BRINP2: variants seen among roughly 807,000 people sequenced by gnomAD.
BRINP2 encodes BMP/retinoic acid inducible neural specific 2.
BRINP2 carries 21 observed loss-of-function variants against 69.2 expected under a neutral mutation model. The observed-to-expected ratio is 0.30, with a 90% CI of 0.22 to 0.44. The LOEUF is 0.44. Among genes scored for constraint, BRINP2 ranks in the 20% least tolerant of loss-of-function variants. BRINP2 has a pLI of 1.00. For synonymous variants in BRINP2, 380 were observed against 394.1 expected (o/e 0.96, Z 0.42); for missense variants, 877 against 986.0 (o/e 0.89, Z 1.48).
chr1:177,221,831 G>T (rs888110719), intron 1 of BRINP2, among the ~76,000 whole-genome samples: 1 of 152,170 alleles, frequency 6.6e-6, no homozygotes, highest in Non-Finnish European at 1.5e-5. Flanking sequence ...CAAAGCAACC[G>T]CATAATCAAT....
At position 177,239,368 on chromosome 1, in the gene BRINP2, T is replaced by A. The variant is rs147487648; in HGVS notation, c.269+9223T>A. Among the ~76,000 whole-genome samples the A allele has an allele frequency of 7.5e-4, 114 of 152,366 alleles. 1 individual carries two copies. Among genetic ancestry groups the A allele is most frequent in the South Asian group, 3.9e-3 (19 of 4,830 alleles). On this transcript the variant is annotated intron_variant, in intron 2 of 7. Transcript: ENST00000361539. ...TGGTTGTGCACTGCTGGTGTGTTTC[T>A]ACAAGGGTGCGATGTAAATCGAATT... is the stretch of plus-strand genomic sequence containing the variant.
chr1:177,257,459 A>G (rs1225848912), intron 4 of BRINP2, 75 bp downstream of exon 4: 6 of 1,385,050 alleles, frequency 4.3e-6, no homozygotes, highest in African/African-American at 1.4e-5. Flanking sequence ...AGCCTCAACC[A>G]TCTCTAGGTC....
At chr1:177,179,720 G>T (rs1648193904) in intron 1 of BRINP2, among the ~76,000 whole-genome samples, 1 of 152,078 alleles carries the variant, frequency 6.6e-6, no homozygotes, top group South Asian at 2.1e-4. Context: ...AAAGGGCTGG[G>T]GACAACCCAG....
intron 1 of BRINP2, among the ~76,000 whole-genome samples, chr1:177,199,167 G>A (rs1315744382): frequency 6.6e-6 from 1 of 152,168 alleles, no homozygotes; most frequent in African/African-American, 2.4e-5. Context: ...GCCCCCAAAT[G>A]GTTGCAGTCT....
In BRINP2 at chr1:177,278,724, C is replaced by A. The variant is rs199601085; in HGVS notation, c.1174C>A (p.Arg392=). 1 of 1,614,060 alleles carries A rather than the reference C, an allele frequency of 6.2e-7. No homozygotes were observed. The highest frequency in any genetic ancestry group is 8.5e-7 in the Non-Finnish European group (1 of 1,180,054). The part of the protein sequence containing the change: ...LFKKTHRILR[R]LFNLCKRCHR... ...CAAAAAGACCCATCGGATCCTACGC[C>A]GGCTCTTCAACCTCTGCAAGCGCTG... Residue 392 remains arginine (R), a synonymous_variant, in exon 7 of 8, where the codon CGG becomes AGG. Transcript: ENST00000361539.
chr1:177,275,082 G>A lies in BRINP2; in HGVS notation c.776-1116G>A, dbSNP rs1651451843. ...CATATTCCTCACTTTCCTGGCACAA[G>A]GTCTCACAGTGTCGCTACTGGGGAG... On this transcript the variant is annotated intron_variant, in intron 5 of 7. Coordinates refer to ENST00000361539, the MANE Select transcript of BRINP2 (RefSeq NM_021165.4). 6 of 455,194 alleles carry A rather than the reference G, an allele frequency of 1.3e-5. No homozygotes were observed. The Admixed American group carries it at 1.4e-4, about 11-fold the overall frequency. The allele number at this position is 455,194 out of a possible 1,614,324, so 28.2% of individuals were successfully genotyped here.
intron 1 of BRINP2, among the ~76,000 whole-genome samples, chr1:177,194,912 G>A (rs1003836705): frequency 6.6e-6 from 1 of 152,032 alleles, no homozygotes; most frequent in African/African-American, 2.4e-5. Flanking sequence ...GGATTTTCTT[G>A]TTAAGACATC....
intron 7 of BRINP2, 107 bp downstream of exon 7, chr1:177,278,892 C>T: frequency 1.9e-6 from 2 of 1,040,272 alleles, no homozygotes; most frequent in East Asian, 2.6e-5. Flanking sequence ...AGTGGTGACT[C>T]ACACATAGCC....
chr1:177,229,498 TC>T (rs1456224788), intron 1 of BRINP2, among the ~76,000 whole-genome samples: 1 of 152,176 alleles, frequency 6.6e-6, no homozygotes, highest in Non-Finnish European at 1.5e-5. Flanking sequence ...AAGAGTCAGA[TC>T]CCCTGAGTTC....
At position 177,257,372 on chromosome 1, in the gene BRINP2, G is replaced by C. The variant is rs755618875; in HGVS notation, c.657G>C (p.Thr219=). ...LRRLHHIQIA[T]GAIKVTETRT... ...GGCTGCACCATATCCAGATAGCCAC[G>C]GGGGCCATCAAGGTAATGACCTGAG... Residue 219 remains threonine, a synonymous_variant, in exon 4 of 8, where the codon ACG becomes ACC. Coordinates refer to ENST00000361539, the MANE Select transcript of BRINP2 (RefSeq NM_021165.4). The C allele has an allele frequency of 6.2e-7, 1 of 1,609,904 alleles. No individual in the cohort carries two copies. The highest frequency in any genetic ancestry group is 1.3e-5 in the African/African-American group (1 of 74,806).
chr1:177,229,830 G>A lies in BRINP2; in HGVS notation c.-47G>A, dbSNP rs1435607481. 2 of 1,539,080 alleles carry A rather than the reference G, an allele frequency of 1.3e-6. No homozygotes were observed. Among genetic ancestry groups the A allele is most frequent in the African/African-American group, 1.4e-5 (1 of 73,244 alleles). Reference sequence around the variant, plus strand: ...GAGCCCTGGAGGAGCAGCACGGAGCGGGAGAGCGTGGCGAGAGAATGAAGA... The same window carrying A: ...GAGCCCTGGAGGAGCAGCACGGAGCAGGAGAGCGTGGCGAGAGAATGAAGA... On this transcript the variant is annotated 5_prime_UTR_variant, in exon 2 of 8. Coordinates refer to ENST00000361539, the MANE Select transcript of BRINP2 (RefSeq NM_021165.4).
chr1:177,215,982 T>C (rs1282053367), intron 1 of BRINP2, among the ~76,000 whole-genome samples: 2 of 152,108 alleles, frequency 1.3e-5, no homozygotes, highest in African/African-American at 4.8e-5. Context: ...TTTTTATTCT[T>C]TCATTTTTAG....
At chr1:177,259,140 G>T (rs1011714544) in intron 4 of BRINP2, among the ~76,000 whole-genome samples, 1 of 152,170 alleles carries the variant, frequency 6.6e-6, no homozygotes, top group African/African-American at 2.4e-5. Flanking sequence ...AAAAGTGCTA[G>T]TCCGGTGAAT....
rs71565492 is a variant in BRINP2, at chr1:177,254,378, G to GCACACACA, written c.270-1517_270-1510dup. Among the ~76,000 whole-genome samples the GCACACACA allele has an allele frequency of 3.0e-3, 426 of 144,000 alleles. 2 individuals are homozygous for GCACACACA. The highest frequency in any genetic ancestry group is 8.5e-3 in the African/African-American group (336 of 39,486). The allele number at this position is 144,000 out of a possible 152,430, so 94.5% of individuals were successfully genotyped here. A position where few individuals can be genotyped will look rare whatever the true frequency, so the allele number is the denominator to read the frequency against. ...TGCACCTAAACACATAAGCACACAT[G>GCACACACA]CACACACACACACACACACACACAC... is the stretch of plus-strand genomic sequence containing the variant. On this transcript the variant is annotated intron_variant, in intron 2 of 7. Coordinates refer to ENST00000361539, the MANE Select transcript of BRINP2 (RefSeq NM_021165.4).
Position 177,280,433 on chromosome 1 carries a change from C to G in BRINP2, c.1257C>G (p.Asn419Lys), listed in dbSNP as rs369846504. ...CAAGGTCCTTGTCCTACTGGTGGAACCGAATCCAGTCCCTCCTCTACTGTG... is the reference window on the plus strand; with the variant it reads ...CAAGGTCCTTGTCCTACTGGTGGAAGCGAATCCAGTCCCTCCTCTACTGTG... ...PKERSLSYWW[N>K]RIQSLLYCGE... is the part of the protein sequence containing the mutation. Residue 419 changes from asparagine (N) to lysine (K), a missense_variant, in exon 8 of 8, where the codon AAC becomes AAG. This residue lies in a region of BRINP2 where 566 missense variants were observed against 625.2 expected (regional missense o/e 0.91). Transcript: ENST00000361539. 1.2e-6 allele frequency: 2 copies of G among 1,610,330 alleles called. No individual in the cohort carries two copies. Among genetic ancestry groups the G allele is most frequent in the South Asian group, 1.1e-5 (1 of 90,308 alleles).
At chr1:177,197,541 G>A (rs1312470315) in intron 1 of BRINP2, among the ~76,000 whole-genome samples, 1 of 152,186 alleles carries the variant, frequency 6.6e-6, no homozygotes, top group East Asian at 1.9e-4. Flanking sequence ...TAGTGAGATG[G>A]TGGCTGTCTG....
At chr1:177,178,096 T>C (rs534146200) in intron 1 of BRINP2, among the ~76,000 whole-genome samples, 56 of 152,272 alleles carry the variant, frequency 3.7e-4, no homozygotes, top group Non-Finnish European at 5.7e-4. Context: ...CTCCTAATGA[T>C]TTCTCAAAGC....
At chr1:177,191,037 A>G (rs1648580868) in intron 1 of BRINP2, among the ~76,000 whole-genome samples, 1 of 152,160 alleles carries the variant, frequency 6.6e-6, no homozygotes, top group African/African-American at 2.4e-5. Context: ...TCATATTGCA[A>G]AGGGCCCTGG....
In BRINP2 at chr1:177,255,901, C is replaced by T; in HGVS notation, c.270-18C>T. On this transcript the variant is annotated intron_variant, in intron 2 of 7. Transcript: ENST00000361539. ...GAAACGAGGTCAGCTTTTCCTTATC[C>T]CTTGGCTTTTCCCCCAGGGAGTTTG... The T allele has an allele frequency of 6.2e-7, 1 of 1,612,678 alleles. No individual in the cohort carries two copies. The highest frequency in any genetic ancestry group is 8.5e-7 in the Non-Finnish European group (1 of 1,179,210).
Sources: allele counts gnomAD v4.1 joint callset (sites outside exome capture counted in the v4.1 genomes callset), GRCh38; gene constraint gnomAD v4.1.1; regional missense constraint gnomAD v4.1.1; transcripts MANE v1.5; gene names NCBI Gene and HGNC (gene_info 2026-07-23, HGNC 2026-07-21).